The following ZBTB11 variants were observed in gnomAD, a reference collection of about 807,000 sequenced individuals.
The protein encoded by ZBTB11 is zinc finger and BTB domain-containing protein 11.
In ZBTB11, 68 loss-of-function variants were observed where a neutral mutation model predicts 113.1. The ratio of observed to expected loss-of-function variants is 0.60; its 90% confidence interval spans 0.49 to 0.74. ZBTB11 has a LOEUF of 0.74. Among genes scored for constraint, ZBTB11 ranks in the 30% least tolerant of loss-of-function variants. The pLI, the probability that ZBTB11 is intolerant of heterozygous loss-of-function variation, is 0.00. For missense variants in ZBTB11, 1,104 were observed against 1,279.4 expected, an observed-to-expected ratio of 0.86 and a Z score of 2.09; for synonymous variants, 518 against 452.6, an observed-to-expected ratio of 1.14 and a Z score of -1.83.
At chr3:101,658,534 T>C (rs947921284) in intron 6 of ZBTB11, among the ~76,000 whole-genome samples, 6 of 152,058 alleles carry the variant, frequency 3.9e-5, no homozygotes, top group Non-Finnish European at 8.8e-5. Flanking sequence ...AATTAATTAA[T>C]TTTTTTGAGA....
At chr3:101,659,631 T>A in intron 6 of ZBTB11, 152 bp downstream of exon 6, 4 of 919,700 alleles carry the variant, frequency 4.3e-6, no homozygotes, top group Non-Finnish European at 6.4e-6. Flanking sequence ...CCATAGGGAA[T>A]CACCTTTGAT....
intron 7 of ZBTB11, 25 bp downstream of exon 7, chr3:101,656,079 T>C: frequency 6.8e-7 from 1 of 1,460,644 alleles, no homozygotes; most frequent in Non-Finnish European, 9.1e-7. Flanking sequence ...GAAATGTAAC[T>C]ATGTCAATAT....
rs1418030729 is a variant in ZBTB11, at chr3:101,652,640, T to C, written c.2500A>G (p.Lys834Glu). The change falls in exon 10 of 11, where the codon AAA (lysine) becomes GAA (glutamate). Residue 834 changes from lysine (K) to glutamate (E), a missense_variant. This residue lies in a region of ZBTB11 where 148 missense variants were observed against 259.3 expected (regional missense o/e 0.57). Transcript: ENST00000312938. ...TTTACATGCCTTCTGAACAAAGCTT[T>C]TTCATAAAATTCTTTGCCACATATA... Reference protein sequence around the residue: ...CNICGKEFYEKALFRRHVKKA... With the variant: ...CNICGKEFYEEALFRRHVKKA... 6.2e-7 allele frequency: 1 copy of C among 1,613,944 alleles called. No individual in the cohort carries two copies.
At position 101,665,387 on chromosome 3, in the gene ZBTB11, T is replaced by C. The variant is rs968854796; in HGVS notation, c.1200A>G (p.Gly400=). Residue 400 remains glycine (G), a synonymous_variant, in exon 4 of 11, where the codon GGA becomes GGG. Transcript: ENST00000312938. Reference sequence around the variant, plus strand: ...TTTCAGGATGGGAATCAGCTATACATCCTACTGATGACAGGGCAGATTCAG... The same window carrying C: ...TTTCAGGATGGGAATCAGCTATACACCCTACTGATGACAGGGCAGATTCAG... ...SEAESALSSV[G]CIADSHPEME... is the part of the protein sequence containing the mutation. The C allele has an allele frequency of 6.2e-7, 1 of 1,614,082 alleles. No individual in the cohort carries two copies. The highest frequency in any genetic ancestry group is 1.3e-5 in the African/African-American group (1 of 74,928).
chr3:101,661,458 T>C (rs994537378), intron 5 of ZBTB11, among the ~76,000 whole-genome samples: 1 of 152,214 alleles, frequency 6.6e-6, no homozygotes, highest in Non-Finnish European at 1.5e-5. Flanking sequence ...TTTTGAGACC[T>C]AGCATGTCTG....
chr3:101,674,272 C>T (rs1011813916), intron 1 of ZBTB11, among the ~76,000 whole-genome samples: 1 of 152,014 alleles, frequency 6.6e-6, no homozygotes, highest in Middle Eastern at 3.4e-3. Context: ...GCCGAGATCG[C>T]GCCACTGTGC....
chr3:101,676,953 G>A lies in ZBTB11; in HGVS notation c.-39C>T, dbSNP rs758744809. The A allele has an allele frequency of 2.6e-6, 4 of 1,509,868 alleles. No individual in the cohort carries two copies. The Admixed American group carries it at 6.7e-5, about 25-fold the overall frequency. 93.5% of individuals were successfully genotyped at this position (1,509,868 alleles called of 1,614,324 possible). A position where few individuals can be genotyped will look rare whatever the true frequency, so the allele number is the denominator to read the frequency against. ...TCCCTGAGGGCGCCTGTCAGGGACA[G>A]GTGAGGAAAACGGCCCGCTACCTAC... On this transcript the variant is annotated 5_prime_UTR_variant, in exon 1 of 11. Coordinates refer to ENST00000312938, the MANE Select transcript of ZBTB11 (RefSeq NM_014415.4).
intron 6 of ZBTB11, among the ~76,000 whole-genome samples, chr3:101,658,817 T>TACA (rs1183785406): frequency 6.6e-6 from 1 of 152,032 alleles, no homozygotes; most frequent in Non-Finnish European, 1.5e-5. Context: ...AAGTAATGGG[T>TACA]ACACCAAAAT....
chr3:101,650,983 C>T lies in ZBTB11; in HGVS notation c.*183G>A, dbSNP rs574694606. On this transcript the variant is annotated 3_prime_UTR_variant, in exon 11 of 11. Transcript: ENST00000312938. ...AATAGATCTGTTTTCAATTTCTCTA[C>T]ACTAAACGGACTTTTCTATAGAACC... The T allele has an allele frequency of 2.1e-5, 12 of 567,080 alleles. No homozygotes were observed. The South Asian group carries it at 3.6e-4, about 17-fold the overall frequency. The allele number at this position is 567,080 out of a possible 1,614,324, so 35.1% of individuals were successfully genotyped here. A position where few individuals can be genotyped will look rare whatever the true frequency, so the allele number is the denominator to read the frequency against.
At chr3:101,666,482 T>G (rs1244536526) in intron 3 of ZBTB11, among the ~76,000 whole-genome samples, 1 of 152,204 alleles carries the variant, frequency 6.6e-6, no homozygotes, top group Non-Finnish European at 1.5e-5. Context: ...GTCCTTGGGC[T>G]GTAGTTTGCC....
chr3:101,665,381 T>A lies in ZBTB11; in HGVS notation c.1206A>T (p.Ile402=). 1 of 1,614,230 alleles carries A rather than the reference T, an allele frequency of 6.2e-7. No individual in the cohort carries two copies. Among genetic ancestry groups the A allele is most frequent in the East Asian group, 2.2e-5 (1 of 44,890 alleles). ...AESALSSVGC[I]ADSHPEMESV... is the part of the protein sequence containing the mutation. ...ACTCCATTTCAGGATGGGAATCAGC[T>A]ATACATCCTACTGATGACAGGGCAG... Residue 402 remains isoleucine, a synonymous_variant, in exon 4 of 11, where the codon ATA becomes ATT. Transcript: ENST00000312938.
intron 8 of ZBTB11, among the ~76,000 whole-genome samples, chr3:101,653,221 T>C (rs1284149458): frequency 6.6e-6 from 1 of 152,210 alleles, no homozygotes; most frequent in Admixed American, 6.5e-5. Flanking sequence ...GAGATCCCTA[T>C]TTCAACCCTC....
At chr3:101,673,404 C>CA (rs930244764) in intron 1 of ZBTB11, among the ~76,000 whole-genome samples, 121 of 152,110 alleles carry the variant, frequency 8.0e-4, no homozygotes, top group African/African-American at 2.8e-3. Flanking sequence ...AAGTTACCCC[C>CA]AAATCTTCAA....
rs148802535 is a variant in ZBTB11, at chr3:101,665,186, G to A, written c.1401C>T (p.Ala467=). 1.6e-4 allele frequency: 259 copies of A among 1,613,888 alleles called. No individual in the cohort carries two copies. The highest frequency in any genetic ancestry group is 6.9e-4 in the African/African-American group (52 of 74,926). ...TCTGCCTATGTTTTGGAATGTCTTC[G>A]GCACAAATATCCTCAGCTGATATAT... ...GNDISAEDIC[A]EDIPKHRQKV... Residue 467 remains alanine, a synonymous_variant, in exon 4 of 11, where the codon GCC becomes GCT. Coordinates refer to ENST00000312938, the MANE Select transcript of ZBTB11 (RefSeq NM_014415.4).
At chr3:101,651,945 A>G (rs1407229023) in intron 10 of ZBTB11, among the ~76,000 whole-genome samples, 1 of 152,110 alleles carries the variant, frequency 6.6e-6, no homozygotes, top group Non-Finnish European at 1.5e-5. Context: ...CCTGACCAAC[A>G]TGGTGAAACC....
At chr3:101,676,512 C>A in intron 1 of ZBTB11, 93 bp downstream of exon 1, 1 of 1,323,946 alleles carries the variant, frequency 7.6e-7, no homozygotes, top group Non-Finnish European at 9.9e-7. Flanking sequence ...CGTCCGAGAC[C>A]CTCCGACTCG....
At chr3:101,659,638 T>G in intron 6 of ZBTB11, 145 bp downstream of exon 6, 1 of 965,366 alleles carries the variant, frequency 1.0e-6, no homozygotes, top group Non-Finnish European at 1.5e-6. Flanking sequence ...GAATCACCTT[T>G]GATCTAGGCA....
At chr3:101,670,949 C>A (rs1937076829) in intron 3 of ZBTB11, 181 bp downstream of exon 3, 1 of 554,752 alleles carries the variant, frequency 1.8e-6, no homozygotes, top group African/African-American at 1.9e-5. Flanking sequence ...GAAATGACAC[C>A]CTTTTCCATA....
rs113792325 is a variant in ZBTB11, at chr3:101,664,954, T to C, written c.1623+10A>G. On this transcript the variant is annotated intron_variant, in intron 4 of 10. Coordinates refer to ENST00000312938, the MANE Select transcript of ZBTB11 (RefSeq NM_014415.4). ...TAAAACTACAAAGGTCAACCCTTCT[T>C]ACATCATACCTGTTGAACTGCTGAC... 104 of 1,598,852 alleles carry C rather than the reference T, an allele frequency of 6.5e-5. 1 individual carries two copies. The African/African-American group carries it at 1.2e-3, about 18-fold the overall frequency.
Sources: gnomAD v4.1 joint callset for allele counts (sites outside exome capture counted in the v4.1 genomes callset) on GRCh38, gnomAD v4.1.1 for gene constraint, gnomAD v4.1.1 regional missense constraint, MANE v1.5 for transcripts, NCBI Gene and HGNC (gene_info 2026-07-23, HGNC 2026-07-21) for gene names.